Variants in ICE2 observed in about 807,000 individuals in gnomAD.
ICE2 encodes little elongation complex subunit 2.
Under a neutral mutation model 105.4 loss-of-function variants are expected in ICE2, and 87 were observed. The observed-to-expected ratio is 0.83, with a 90% CI of 0.69 to 0.99. ICE2 has a LOEUF of 0.99. Ranked by LOEUF, ICE2 falls within the 50% of genes least tolerant of loss-of-function variation. The probability of loss-of-function intolerance (pLI) is 0.00; values close to 1 mark genes in which losing one functional copy is unlikely to be tolerated. For synonymous variants in ICE2, 399 were observed against 392.0 expected, an observed-to-expected ratio of 1.02 and a Z score of -0.21; for missense variants, 1,323 against 1,146.7, an observed-to-expected ratio of 1.15 and a Z score of -2.22.
chr15:60,458,592 G>C (rs1228958778), intron 5 of ICE2, among the ~76,000 whole-genome samples: 2 of 152,082 alleles, frequency 1.3e-5, no homozygotes, highest in African/African-American at 4.8e-5. Context: ...CGAAACGTAA[G>C]ACTTCTACAT....
At chr15:60,454,683 C>T (rs2064052510) in intron 8 of ICE2, 1 of 197,056 alleles carries the variant, frequency 5.1e-6, no homozygotes, top group Non-Finnish European at 1.0e-5. Flanking sequence ...GTTCCAACCT[C>T]TTTTTTCTTT....
At position 60,428,457 on chromosome 15, in the gene ICE2, T is replaced by A; in HGVS notation, c.2792A>T (p.Lys931Ile). ...TTGTTGTGTTGTGGTATCCAGTGAT[T>A]TCGGTGGAAAAGTACAAGGTATTCT... is the stretch of plus-strand genomic sequence containing the variant. Reference protein sequence around the residue: ...HGRIPCTFPPKSLDTTTQQKI... With the variant: ...HGRIPCTFPPISLDTTTQQKI... Residue 931 changes from lysine to isoleucine, a missense_variant, in exon 15 of 16, where the codon AAA becomes ATA. Lys to Ile is a moderately radical substitution (Grantham distance 102, BLOSUM62 -3). Transcript: ENST00000261520. 1 of 1,614,020 alleles carries A rather than the reference T, an allele frequency of 6.2e-7. No homozygotes were observed. The highest frequency in any genetic ancestry group is 8.5e-7 in the Non-Finnish European group (1 of 1,179,896).
chr15:60,424,400 TG>T (rs1402401419), intron 15 of ICE2, among the ~76,000 whole-genome samples: 1 of 7,732 alleles, frequency 1.3e-4, no homozygotes, highest in African/African-American at 3.4e-4. Context: ...AAGAAAAAAC[TG>T]GAAGGGGGAA....
intron 3 of ICE2, among the ~76,000 whole-genome samples, chr15:60,473,914 T>C (rs1325001566): frequency 6.6e-6 from 1 of 152,074 alleles, no homozygotes; most frequent in African/African-American, 2.4e-5. Context: ...TAAAAAATTG[T>C]CTCTTTTTTT....
intron 8 of ICE2, 23 bp downstream of exon 8, chr15:60,454,980 A>T: frequency 6.6e-7 from 1 of 1,525,872 alleles, no homozygotes; most frequent in Non-Finnish European, 8.7e-7. Context: ...TGAGAGCATT[A>T]TTTGACATAG....
rs765980762 is a variant in ICE2, at chr15:60,449,003, A to G, written c.1964T>C (p.Leu655Pro). The change falls in exon 10 of 16, where the codon CTC becomes CCC. Residue 655 changes from leucine (L) to proline (P), a missense_variant. Coordinates refer to ENST00000261520, the MANE Select transcript of ICE2 (RefSeq NM_024611.6). ...TACTTTTCTGGAAATTGGCTTTAAGAGCTCATCCTGCATTTTTAAAATCTC... is the reference window on the plus strand; with the variant it reads ...TACTTTTCTGGAAATTGGCTTTAAGGGCTCATCCTGCATTTTTAAAATCTC... ...VGEILKMQDE[L>P]LKPISRKVPE... 9 of 1,613,746 alleles carry G rather than the reference A, an allele frequency of 5.6e-6. No individual in the cohort carries two copies. The South Asian group carries it at 8.8e-5, about 16-fold the overall frequency.
intron 6 of ICE2, 81 bp downstream of exon 6, chr15:60,456,576 T>TACACACACACACAC (rs1465607614): frequency 2.3e-5 from 3 of 132,990 alleles, no homozygotes. Flanking sequence ...AATATATATA[T>TACACACACACACAC]ATATATATAC....
At chr15:60,465,196 T>C (rs1015226287) in intron 5 of ICE2, among the ~76,000 whole-genome samples, 7 of 152,094 alleles carry the variant, frequency 4.6e-5, no homozygotes, top group South Asian at 2.1e-4. Context: ...GTTTTTTTTT[T>C]CCTTCCTTTT....
chr15:60,474,491 G>C (rs1332094503), intron 3 of ICE2, among the ~76,000 whole-genome samples: 1 of 152,084 alleles, frequency 6.6e-6, no homozygotes, highest in Non-Finnish European at 1.5e-5. Flanking sequence ...TACAGCTATA[G>C]GCCGTGCATG....
chr15:60,422,062 A>T lies in ICE2; in HGVS notation c.*1572T>A, dbSNP rs931135639. The T allele has an allele frequency of 6.6e-6, 1 of 152,098 alleles. No homozygotes were observed. The highest frequency in any genetic ancestry group is 1.5e-5 in the Non-Finnish European group (1 of 68,008). 9.4% of individuals were successfully genotyped at this position (152,098 alleles called of 1,614,324 possible). A position where few individuals can be genotyped will look rare whatever the true frequency, so the allele number is the denominator to read the frequency against. ...GCAATTATCTAGGATTACAAAACTT[A>T]TATTTTACAAATGACATACATAATT... On this transcript the variant is annotated 3_prime_UTR_variant, in exon 16 of 16. Transcript: ENST00000261520.
chr15:60,449,403 T>C lies in ICE2; in HGVS notation c.1564A>G (p.Ile522Val), dbSNP rs1199667694. The C allele has an allele frequency of 4.3e-6, 7 of 1,613,406 alleles. No individual in the cohort carries two copies. Among genetic ancestry groups the C allele is most frequent in the Admixed American group, 3.3e-5 (2 of 59,966 alleles). ...ATATCATTTTTATTAGAAGTTTCAA[T>C]TTCCTGAGAATTTTCTAACTGTAAG... ...DALQLENSQEIETSNKNDMTI... is the reference protein window; with the variant it reads ...DALQLENSQEVETSNKNDMTI... The change falls in exon 10 of 16, where the codon ATT becomes GTT. Residue 522 changes from isoleucine to valine, a missense_variant. By Grantham distance (29) the Ile-to-Val change is conservative. Transcript: ENST00000261520.
chr15:60,461,902 G>C (rs2064288137), intron 5 of ICE2, among the ~76,000 whole-genome samples: 1 of 152,156 alleles, frequency 6.6e-6, no homozygotes, highest in Non-Finnish European at 1.5e-5. Context: ...CTACCAGACT[G>C]ACTGAAAAGC....
rs143299864 is a variant in ICE2 at position 60,428,596 on chromosome 15, C to T, written c.2653G>A (p.Ala885Thr). Residue 885 changes from alanine to threonine, a missense_variant, in exon 15 of 16, where the codon GCA (alanine) becomes ACA (threonine). Physicochemically the swap from Ala to Thr is moderately conservative, Grantham distance 58. Transcript: ENST00000261520. The stretch of plus-strand genomic sequence containing the variant: ...CAATGTGTTTTATACAAATTGTATG[C>T]TGTCCTAGTAACTTTTCCATCAGAG... ...KASDGKVTRT[A>T]YNLYKTHCGL... The T allele has an allele frequency of 1.2e-6, 2 of 1,613,942 alleles. No individual in the cohort carries two copies. Among genetic ancestry groups the T allele is most frequent in the South Asian group, 2.2e-5 (2 of 91,076 alleles).
intron 14 of ICE2, among the ~76,000 whole-genome samples, chr15:60,430,024 C>T (rs895295046): frequency 6.6e-6 from 1 of 152,072 alleles, no homozygotes; most frequent in Non-Finnish European, 1.5e-5. Flanking sequence ...GAATAGTGGC[C>T]TCCTAGAAAT....
intron 9 of ICE2, among the ~76,000 whole-genome samples, chr15:60,450,303 A>G (rs1273978181): frequency 6.6e-6 from 1 of 152,218 alleles, no homozygotes; most frequent in East Asian, 1.9e-4. Context: ...AAGTGTCGCC[A>G]GCTTCTGGTG....
rs2063902862 is a variant in ICE2, at chr15:60,449,305, C to T, written c.1662G>A (p.Lys554=). 6.2e-7 allele frequency: 1 copy of T among 1,613,156 alleles called. No homozygotes were observed. The highest frequency in any genetic ancestry group is 1.3e-5 in the African/African-American group (1 of 75,024). ...TTTTTGCTGCTTCTGATCCAACAGT[C>T]TTTTCCTTTGAGTTGTCTAGGTTTT... ...VLENLDNSKE[K]TVGSEAAKTE... The change falls in exon 10 of 16, where the codon AAG becomes AAA. Residue 554 remains lysine, a synonymous_variant. Transcript: ENST00000261520.
At chr15:60,466,847 G>A (rs1264204581) in intron 4 of ICE2, 134 bp from the exon 5 acceptor site, 2 of 754,244 alleles carry the variant, frequency 2.7e-6, no homozygotes, top group East Asian at 5.5e-5. Context: ...AATCAAAGAA[G>A]TCAGTAAAAA....
intron 5 of ICE2, among the ~76,000 whole-genome samples, chr15:60,459,391 C>T (rs1006356140): frequency 2.0e-5 from 3 of 152,094 alleles, no homozygotes; most frequent in Non-Finnish European, 4.4e-5. Flanking sequence ...AAGGTAACTG[C>T]CAACTTTGAA....
rs532539089 is a variant in ICE2, at chr15:60,449,559, G to C, written c.1408C>G (p.Leu470Val). ...GGGCCACCATCCATACCAGTGACCAGCTGTTTCTCCTTTTGCAATTGTTCC... is the reference window on the plus strand; with the variant it reads ...GGGCCACCATCCATACCAGTGACCACCTGTTTCTCCTTTTGCAATTGTTCC... ...LMEQLQKEKQLVTGMDGGPEE... is the reference protein window; with the variant it reads ...LMEQLQKEKQVVTGMDGGPEE... The change falls in exon 10 of 16, where the codon CTG becomes GTG. Residue 470 changes from leucine (L) to valine (V), a missense_variant. Leu to Val is a conservative substitution (Grantham distance 32, BLOSUM62 1). Coordinates refer to ENST00000261520, the MANE Select transcript of ICE2 (RefSeq NM_024611.6). 11 of 1,614,120 alleles carry C rather than the reference G, an allele frequency of 6.8e-6. No homozygotes were observed. The African/African-American group carries it at 9.3e-5, about 14-fold the overall frequency.
Sources: allele counts gnomAD v4.1 joint callset (sites outside exome capture counted in the v4.1 genomes callset), GRCh38; gene constraint gnomAD v4.1.1; transcripts MANE v1.5; gene names NCBI Gene and HGNC (gene_info 2026-07-23, HGNC 2026-07-21).